The following MAGI1 variants were observed in gnomAD, a reference collection of about 807,000 sequenced individuals.
MAGI1 encodes the protein membrane-associated guanylate kinase, WW and PDZ domain-containing protein 1.
In MAGI1, 58 loss-of-function variants were observed where a neutral mutation model predicts 139.9. The ratio of observed to expected loss-of-function variants is 0.41; its 90% confidence interval spans 0.34 to 0.52. The LOEUF (loss-of-function observed/expected upper bound fraction) is 0.52, where lower values mean the gene tolerates loss of function less well. Among genes scored for constraint, MAGI1 ranks in the 20% least tolerant of loss-of-function variants. The pLI, the probability that MAGI1 is intolerant of heterozygous loss-of-function variation, is 0.12. For synonymous variants in MAGI1, 812 were observed against 737.9 expected (o/e 1.10, Z -1.63); for missense variants, 1,874 against 1,901.6 (o/e 0.99, Z 0.27).
chr3:65,688,368 G>C, intron 1 of MAGI1: 1 of 618,392 alleles, frequency 1.6e-6, no homozygotes, highest in Non-Finnish European at 3.1e-6. Flanking sequence ...TTCAGAAAAG[G>C]CTTACAGTAG....
intron 1 of MAGI1, among the ~76,000 whole-genome samples, chr3:65,720,293 T>C (rs2032850991): frequency 1.3e-5 from 2 of 152,194 alleles, no homozygotes; most frequent in Non-Finnish European, 2.9e-5. Context: ...GGTCCTGTGC[T>C]GGTCACCGAG....
chr3:65,915,709 A>G (rs1000206673), intron 1 of MAGI1, among the ~76,000 whole-genome samples: 1 of 152,136 alleles, frequency 6.6e-6, no homozygotes, highest in African/African-American at 2.4e-5. Context: ...CATATTCCAT[A>G]TGCTTTCCTG....
intron 1 of MAGI1, among the ~76,000 whole-genome samples, chr3:65,948,075 G>C (rs1423952071): frequency 6.6e-6 from 1 of 151,290 alleles, no homozygotes; most frequent in Non-Finnish European, 1.5e-5. Flanking sequence ...CTGAGTAGCT[G>C]GGATTACAGG....
At chr3:65,649,094 G>A (rs1427590977) in intron 1 of MAGI1, among the ~76,000 whole-genome samples, 2 of 152,054 alleles carry the variant, frequency 1.3e-5, no homozygotes, top group Non-Finnish European at 2.9e-5. Flanking sequence ...ACTATAAAGT[G>A]TGTGAAAAAT....
intron 21 of MAGI1, 60 bp downstream of exon 21, chr3:65,363,405 G>T: frequency 6.5e-7 from 1 of 1,527,172 alleles, no homozygotes; most frequent in South Asian, 1.3e-5. Context: ...AACCATATAT[G>T]ACAAGAATTC....
chr3:65,571,707 G>A (rs954290556), intron 2 of MAGI1, among the ~76,000 whole-genome samples: 4 of 151,748 alleles, frequency 2.6e-5, no homozygotes, highest in Non-Finnish European at 5.9e-5. Flanking sequence ...GGAGCCATGC[G>A]TAACAGGACA....
At chr3:65,470,523 G>GAAAAAAAA in intron 4 of MAGI1, 39 bp from the exon 5 acceptor site, 2 of 933,364 alleles carry the variant, frequency 2.1e-6, no homozygotes, top group Non-Finnish European at 1.6e-6. Flanking sequence ...GAGAGAGAGA[G>GAAAAAAAA]AAAAAAAAAA....
At chr3:65,374,313 CTT>C (rs3072933) in intron 18 of MAGI1, among the ~76,000 whole-genome samples, 3,392 of 94,894 alleles carry the variant, frequency 0.036, 146 homozygotes, top group East Asian at 0.27. Context: ...ATCAACTTAA[CTT>C]TTTTTTTTTT....
chr3:65,430,270 T>C lies in MAGI1; in HGVS notation c.1547-130A>G, dbSNP rs2107341002. The C allele has an allele frequency of 3.4e-6, 3 of 883,612 alleles. No individual in the cohort carries two copies. The South Asian group carries it at 5.3e-5, about 16-fold the overall frequency. The allele number at this position is 883,612 out of a possible 1,614,324, so 54.7% of individuals were successfully genotyped here. On this transcript the variant is annotated intron_variant, in intron 11 of 22. Coordinates refer to ENST00000402939, the MANE Select transcript of MAGI1 (RefSeq NM_001033057.2). ...GGGTGTGATACTATAGGGTATAAAG[T>C]GCTTCTATTACTGATTTTAACAGCT... is the stretch of plus-strand genomic sequence containing the variant.
At chr3:65,723,394 C>T (rs1360566162) in intron 1 of MAGI1, among the ~76,000 whole-genome samples, 1 of 152,022 alleles carries the variant, frequency 6.6e-6, no homozygotes, top group African/African-American at 2.4e-5. Flanking sequence ...TAAGAGTTTC[C>T]CCACCCCAAA....
In MAGI1 at chr3:65,375,931, C is replaced by T; in HGVS notation, c.3010G>A (p.Ala1004Thr). ...AGTTFGNACVAMPHKIGRIIE... is the reference protein window; with the variant it reads ...AGTTFGNACVTMPHKIGRIIE... ...ATCCGACCTATTTTGTGAGGCATAG[C>T]CACACATGCATTGCCTGCTTTGATA... Residue 1004 changes from alanine (A) to threonine (T), a missense_variant, in exon 18 of 23, where the codon GCT becomes ACT. Ala to Thr is a moderately conservative substitution (Grantham distance 58). This residue lies in a region of MAGI1 where 653 missense variants were observed against 644.5 expected (regional missense o/e 1.01). Coordinates refer to ENST00000402939, the MANE Select transcript of MAGI1 (RefSeq NM_001033057.2). 1 of 1,613,754 alleles carries T rather than the reference C, an allele frequency of 6.2e-7. No individual in the cohort carries two copies. Among genetic ancestry groups the T allele is most frequent in the Non-Finnish European group, 8.5e-7 (1 of 1,179,748 alleles).
chr3:66,020,519 G>T (rs536247966), intron 1 of MAGI1, among the ~76,000 whole-genome samples: 1 of 152,234 alleles, frequency 6.6e-6, no homozygotes, highest in African/African-American at 2.4e-5. Context: ...CAGATATGTA[G>T]GTTGTATCTT....
chr3:65,371,580 G>A (rs1941998951), intron 18 of MAGI1, among the ~76,000 whole-genome samples: 1 of 152,090 alleles, frequency 6.6e-6, no homozygotes, highest in African/African-American at 2.4e-5. Flanking sequence ...CAACAATGAA[G>A]TTTGCTCTTC....
At chr3:65,644,613 A>G (rs937493350) in intron 1 of MAGI1, among the ~76,000 whole-genome samples, 4 of 152,148 alleles carry the variant, frequency 2.6e-5, no homozygotes, top group Non-Finnish European at 5.9e-5. Flanking sequence ...ACTATAAATT[A>G]TAACCAATGA....
At chr3:65,968,147 T>C (rs944433441) in intron 1 of MAGI1, among the ~76,000 whole-genome samples, 1 of 152,226 alleles carries the variant, frequency 6.6e-6, no homozygotes, top group African/African-American at 2.4e-5. Context: ...TTTAGGCATG[T>C]TCTTATACAG....
intron 1 of MAGI1, among the ~76,000 whole-genome samples, chr3:65,944,522 GA>G (rs1399121793): frequency 1.3e-5 from 2 of 149,716 alleles, no homozygotes; most frequent in Middle Eastern, 3.4e-3. Context: ...TATCTCAAGG[GA>G]AAAAAAAATA....
At chr3:65,700,025 C>G (rs1174627585) in intron 1 of MAGI1, among the ~76,000 whole-genome samples, 2 of 152,072 alleles carry the variant, frequency 1.3e-5, no homozygotes, top group Non-Finnish European at 2.9e-5. Context: ...AGTTTGAAAA[C>G]TACTCCCCTA....
chr3:65,694,735 A>C (rs1000677002), intron 1 of MAGI1, among the ~76,000 whole-genome samples: 1 of 152,166 alleles, frequency 6.6e-6, no homozygotes, highest in African/African-American at 2.4e-5. Context: ...GAGCTGCACT[A>C]CTCAAAGCAA....
intron 1 of MAGI1, among the ~76,000 whole-genome samples, chr3:65,861,121 G>A (rs2059542438): frequency 6.6e-6 from 1 of 152,148 alleles, no homozygotes; most frequent in African/African-American, 2.4e-5. Context: ...ACACTCAAAA[G>A]GATGAGTGAC....
Sources: allele counts gnomAD v4.1 joint callset (sites outside exome capture counted in the v4.1 genomes callset), GRCh38; gene constraint gnomAD v4.1.1; regional missense constraint gnomAD v4.1.1; transcripts MANE v1.5; gene names NCBI Gene and HGNC (gene_info 2026-07-23, HGNC 2026-07-21).